DNAH8: variants seen among roughly 807,000 people sequenced by gnomAD.
The protein encoded by DNAH8 is dynein axonemal heavy chain 8.
In DNAH8, 382 loss-of-function variants were observed where a neutral mutation model predicts 562.1. The ratio of observed to expected loss-of-function variants is 0.68; its 90% confidence interval spans 0.63 to 0.74. DNAH8 has a LOEUF of 0.74. Ranked by LOEUF, DNAH8 falls within the 30% of genes least tolerant of loss-of-function variation. The probability of loss-of-function intolerance (pLI) is 0.00; values close to 1 mark genes in which losing one functional copy is unlikely to be tolerated. For missense variants in DNAH8, 5,203 were observed against 5,620.4 expected, an observed-to-expected ratio of 0.93 and a Z score of 2.37; for synonymous variants, 1,881 against 1,919.4, an observed-to-expected ratio of 0.98 and a Z score of 0.52.
chr6:38,905,833 T>G (rs1780416988), intron 62 of DNAH8, among the ~76,000 whole-genome samples: 1 of 152,206 alleles, frequency 6.6e-6, no homozygotes, highest in Non-Finnish European at 1.5e-5. Flanking sequence ...GTACAGATTA[T>G]GCTCTAATAA....
chr6:38,815,380 C>A, intron 25 of DNAH8, 88 bp from the exon 26 acceptor site: 2 of 1,080,628 alleles, frequency 1.9e-6, no homozygotes, highest in Non-Finnish European at 2.7e-6. Context: ...CGAGGCTTGC[C>A]CCACTCAGTG....
intron 87 of DNAH8, among the ~76,000 whole-genome samples, chr6:38,985,901 C>G (rs1253260591): frequency 1.3e-5 from 2 of 152,196 alleles, no homozygotes; most frequent in Non-Finnish European, 2.9e-5. Context: ...AGCCAACACT[C>G]CAGACAGCGG....
rs755746336 is a variant in DNAH8 at position 38,823,632 on chromosome 6, A to T, written c.3791A>T (p.Gln1264Leu). ...SEILHYATFE[Q>L]EIDELKPIIV... ...ATTCTACACTATGCTACTTTTGAAC[A>T]GGAGATTGATGAGTTGAAGCCTATT... The change falls in exon 28 of 93, where the codon CAG becomes CTG. Residue 1264 changes from glutamine to leucine, a missense_variant. By Grantham distance (113) the Gln-to-Leu change is moderately radical. Transcript: ENST00000327475. 1.2e-6 allele frequency: 2 copies of T among 1,608,966 alleles called. No individual in the cohort carries two copies. Among genetic ancestry groups the T allele is most frequent in the East Asian group, 4.5e-5 (2 of 44,782 alleles).
In DNAH8 at chr6:38,811,151, G is replaced by GA. The variant is rs1385187569; in HGVS notation, c.3258-2897dup. ...GGGTTTATAGCTTTCCTTAATGCTA[G>GA]AAAAAACCTCAGCAATTTTCCCTTT... On this transcript the variant is annotated intron_variant, in intron 24 of 92. Transcript: ENST00000327475. 8.5e-5 allele frequency among the ~76,000 whole-genome samples: 13 copies of GA among 152,256 alleles called. No individual in the cohort carries two copies. In the East Asian group the frequency reaches 2.1e-3, roughly 25 times the overall value.
In DNAH8 at chr6:38,973,691, C is replaced by A. The variant is rs1187910901; in HGVS notation, c.12556C>A (p.Leu4186Ile). 5 of 1,603,458 alleles carry A rather than the reference C, an allele frequency of 3.1e-6. No individual in the cohort carries two copies. The highest frequency in any genetic ancestry group is 1.7e-5 in the Admixed American group (1 of 57,904). The change falls in exon 84 of 93, where the codon CTT becomes ATT. Residue 4186 changes from leucine (L) to isoleucine (I), a missense_variant. Transcript: ENST00000327475. ...GGWVLLQNCH[L>I]GLEFMEELLE... The stretch of plus-strand genomic sequence containing the variant: ...TTGGGTATTACTACAAAATTGCCAC[C>A]TTGGCCTGGAATTCATGGAAGAATT...
In DNAH8 at chr6:38,862,403, C is replaced by T. The variant is rs199546078; in HGVS notation, c.6255C>T (p.Val2085=). Residue 2085 remains valine, a synonymous_variant, in exon 44 of 93, where the codon GTC becomes GTT. Transcript: ENST00000327475. ...GAAGGTGTTTGGGAAAATATGTGGT[C>T]GTGTTCAATTGCTCAGATCAAATGG... ...DMGRCLGKYV[V]VFNCSDQMDF... 46 of 1,614,000 alleles carry T rather than the reference C, an allele frequency of 2.9e-5. No individual in the cohort carries two copies. The African/African-American group carries it at 3.6e-4, about 13-fold the overall frequency.
At chr6:38,906,021 T>G in intron 62 of DNAH8, among the ~76,000 whole-genome samples, 1 of 152,004 alleles carries the variant, frequency 6.6e-6, no homozygotes, top group East Asian at 1.9e-4. Context: ...TTCTCCTGCC[T>G]CAGCCTCCCA....
intron 21 of DNAH8, among the ~76,000 whole-genome samples, chr6:38,795,767 G>A (rs545597874): frequency 1.1e-4 from 17 of 152,174 alleles, no homozygotes; most frequent in African/African-American, 3.6e-4. Flanking sequence ...TGTAATGACA[G>A]GGCAAGTTGG....
rs1174070042 is a variant in DNAH8 at position 38,917,346 on chromosome 6, C to T, written c.10248C>T (p.Asp3416=). 1.9e-6 allele frequency: 3 copies of T among 1,613,578 alleles called. No individual in the cohort carries two copies. The East Asian group carries it at 6.7e-5, about 36-fold the overall frequency. ...CVLLLFQKKI[D]PVTMDPEKSC... is the part of the protein sequence containing the mutation. ...TGTTACTATTTCAAAAGAAAATTGA[C>T]CCTGTTACTATGGATCCAGAAAAAT... Residue 3416 remains aspartate, a synonymous_variant, in exon 69 of 93, where the codon GAC becomes GAT. Coordinates refer to ENST00000327475, the MANE Select transcript of DNAH8 (RefSeq NM_001206927.2).
At chr6:38,968,796 A>G (rs1763145008) in intron 82 of DNAH8, among the ~76,000 whole-genome samples, 1 of 152,186 alleles carries the variant, frequency 6.6e-6, no homozygotes, top group Non-Finnish European at 1.5e-5. Flanking sequence ...ATACCCCCAA[A>G]AAACTGAAAA....
At chr6:38,724,102 C>T (rs937155438) in intron 3 of DNAH8, among the ~76,000 whole-genome samples, 4 of 151,810 alleles carry the variant, frequency 2.6e-5, no homozygotes, top group Non-Finnish European at 5.9e-5. Context: ...CTCAGGCTCC[C>T]GAGTAGCTGG....
At position 38,931,860 on chromosome 6, in the gene DNAH8, A is replaced by T; in HGVS notation, c.11324A>T (p.Tyr3775Phe). The T allele has an allele frequency of 6.2e-7, 1 of 1,609,012 alleles. No individual in the cohort carries two copies. Among genetic ancestry groups the T allele is most frequent in the Non-Finnish European group, 8.5e-7 (1 of 1,178,126 alleles). The change falls in exon 76 of 93, where the codon TAC becomes TTC. Residue 3775 changes from tyrosine to phenylalanine, a missense_variant. By Grantham distance (22) the Tyr-to-Phe change is conservative. Around this residue, in one of 6 missense-constraint regions of DNAH8, gnomAD observed 1,399 missense variants for 1,518.4 expected, o/e 0.92. Transcript: ENST00000327475. ...GATATCATGGATACATTTAAACTTT[A>T]CATTACTACGAAGTTACCAAATCCT... ...ECDIMDTFKL[Y>F]ITTKLPNPAF...
chr6:38,819,889 T>C (rs1178068229), intron 26 of DNAH8, among the ~76,000 whole-genome samples: 22 of 152,166 alleles, frequency 1.4e-4, no homozygotes, highest in Non-Finnish European at 1.5e-5. Flanking sequence ...AACCATAAGG[T>C]ATTTAACAAA....
intron 88 of DNAH8, among the ~76,000 whole-genome samples, chr6:38,992,101 G>A (rs908768450): frequency 1.1e-4 from 17 of 152,146 alleles, no homozygotes; most frequent in African/African-American, 3.6e-4. Flanking sequence ...GAGTAGCTGA[G>A]ATTACAGGCA....
intron 79 of DNAH8, among the ~76,000 whole-genome samples, chr6:38,939,348 G>T (rs917070731): frequency 9.9e-5 from 15 of 152,116 alleles, no homozygotes; most frequent in African/African-American, 3.6e-4. Context: ...GCAAGAAAAG[G>T]CTCACTTATG....
chr6:39,028,278 A>G (rs1490392896), intron 92 of DNAH8, among the ~76,000 whole-genome samples: 1 of 152,216 alleles, frequency 6.6e-6, no homozygotes, highest in Admixed American at 6.5e-5. Context: ...ACAAAGTATC[A>G]TTACCTTGGG....
chr6:38,734,380 G>A, intron 4 of DNAH8, 94 bp from the exon 5 acceptor site: 9 of 1,373,918 alleles, frequency 6.6e-6, no homozygotes, highest in Admixed American at 3.2e-5. Flanking sequence ...TTACAATAAA[G>A]TAAAACAGGA....
chr6:38,805,775 A>C (rs1771218889), intron 23 of DNAH8, among the ~76,000 whole-genome samples, 179 bp downstream of exon 23: 1 of 152,346 alleles, frequency 6.6e-6, no homozygotes, highest in African/African-American at 2.4e-5. Context: ...AGTTTTCCCC[A>C]GTATCACAGC....
chr6:38,880,856 C>A lies in DNAH8; in HGVS notation c.7859-2054C>A, dbSNP rs1027241812. Among the ~76,000 whole-genome samples, 8 of 152,044 alleles carry A rather than the reference C, an allele frequency of 5.3e-5. No individual in the cohort carries two copies. The South Asian group carries it at 1.7e-3, about 32-fold the overall frequency. On this transcript the variant is annotated intron_variant, in intron 53 of 92. Coordinates refer to ENST00000327475, the MANE Select transcript of DNAH8 (RefSeq NM_001206927.2). ...CAGCCTGGCCAACATGGTGAAACCC[C>A]GTCTCTACTAAAAATACAAAAATCA...
Sources: allele counts gnomAD v4.1 joint callset (sites outside exome capture counted in the v4.1 genomes callset), GRCh38; gene constraint gnomAD v4.1.1; regional missense constraint gnomAD v4.1.1; transcripts MANE v1.5; gene names NCBI Gene and HGNC (gene_info 2026-07-23, HGNC 2026-07-21).